Variants in PRDM11 observed in about 807,000 individuals in gnomAD.
PRDM11 encodes the protein PR domain-containing protein 11.
PRDM11 carries 20 observed loss-of-function variants against 97.8 expected under a neutral mutation model. The ratio of observed to expected loss-of-function variants is 0.20; its 90% CI spans 0.14 to 0.30. The LOEUF (loss-of-function observed/expected upper bound fraction) is 0.30, where lower values mean the gene tolerates loss of function less well. PRDM11 is among the 10% of genes least tolerant of loss of function. The pLI is 1.00. For missense variants in PRDM11, 1,139 were observed against 1,555.2 expected, an observed-to-expected ratio of 0.73 and a Z score of 4.50; for synonymous variants, 599 against 637.7, an observed-to-expected ratio of 0.94 and a Z score of 0.91.
chr11:45,120,096 T>C (rs1852396752), intron 1 of PRDM11, among the ~76,000 whole-genome samples: 1 of 152,346 alleles, frequency 6.6e-6, no homozygotes, highest in African/African-American at 2.4e-5. Context: ...TTTAAGAATT[T>C]GTTGAATGTA....
chr11:45,149,924 A>G (rs903084345), intron 1 of PRDM11, among the ~76,000 whole-genome samples: 2 of 152,234 alleles, frequency 1.3e-5, no homozygotes, highest in Non-Finnish European at 2.9e-5. Flanking sequence ...CAAGTAGTGC[A>G]TGTGCAGTTA....
chr11:45,185,273 G>A (rs1260414295), intron 4 of PRDM11, among the ~76,000 whole-genome samples: 3 of 152,198 alleles, frequency 2.0e-5, no homozygotes, highest in Non-Finnish European at 2.9e-5. Context: ...TCAGCATAGG[G>A]GTAAGCTGCT....
chr11:45,127,146 G>A (rs912571757), intron 1 of PRDM11, among the ~76,000 whole-genome samples: 1 of 152,172 alleles, frequency 6.6e-6, no homozygotes, highest in Non-Finnish European at 1.5e-5. Flanking sequence ...TGAGGCTTCT[G>A]CATTCTTCAC....
At chr11:45,171,758 TA>T (rs1169018777) in intron 1 of PRDM11, among the ~76,000 whole-genome samples, 2 of 152,130 alleles carry the variant, frequency 1.3e-5, no homozygotes, top group Non-Finnish European at 2.9e-5. Flanking sequence ...GCCCAGGCAA[TA>T]AAGCAGTGTA....
chr11:45,149,515 T>TA (rs1384611098), intron 1 of PRDM11, among the ~76,000 whole-genome samples: 1 of 152,238 alleles, frequency 6.6e-6, no homozygotes, highest in Non-Finnish European at 1.5e-5. Flanking sequence ...GCTTTCCTCT[T>TA]ACTATTTCCG....
At chr11:45,123,794 G>T (rs1328623626) in intron 1 of PRDM11, among the ~76,000 whole-genome samples, 1 of 152,148 alleles carries the variant, frequency 6.6e-6, no homozygotes, top group Non-Finnish European at 1.5e-5. Flanking sequence ...CTCCGGCTTT[G>T]TTCTTTTGGC....
At chr11:45,189,050 C>T (rs572167349) in intron 4 of PRDM11, among the ~76,000 whole-genome samples, 6 of 152,186 alleles carry the variant, frequency 3.9e-5, no homozygotes, top group East Asian at 1.9e-4. Context: ...TACAGGCATG[C>T]GCCACCACAT....
intron 4 of PRDM11, among the ~76,000 whole-genome samples, chr11:45,203,536 T>A (rs906941846): frequency 6.6e-6 from 1 of 151,648 alleles, no homozygotes; most frequent in Non-Finnish European, 1.5e-5. Context: ...CTCTGAGATA[T>A]TTTTCCAGAG....
intron 1 of PRDM11, among the ~76,000 whole-genome samples, chr11:45,177,365 C>T (rs1304587494): frequency 6.6e-6 from 1 of 152,232 alleles, no homozygotes; most frequent in East Asian, 1.9e-4. Context: ...GACCCCCCTT[C>T]CCCCAAGACT....
intron 4 of PRDM11, among the ~76,000 whole-genome samples, chr11:45,200,758 A>G (rs576432010): frequency 5.2e-4 from 79 of 152,304 alleles, no homozygotes; most frequent in Non-Finnish European, 8.5e-4. Flanking sequence ...TCACTTGGGG[A>G]AACTGCCATG....
chr11:45,142,462 T>C (rs1484311910), upstream of PRDM11, among the ~76,000 whole-genome samples: 1 of 152,162 alleles, frequency 6.6e-6, no homozygotes, highest in Non-Finnish European at 1.5e-5. Context: ...TCCTCAGAGA[T>C]GCCTTCCCTG....
intron 1 of PRDM11, among the ~76,000 whole-genome samples, chr11:45,165,205 G>T (rs910825697): frequency 1.6e-4 from 24 of 152,190 alleles, no homozygotes; most frequent in Middle Eastern, 3.2e-3. Context: ...CTGCAGGGCT[G>T]CCCTTGTTCC....
chr11:45,099,366 G>A (rs1408217144), intron 1 of PRDM11, among the ~76,000 whole-genome samples: 1 of 150,200 alleles, frequency 6.7e-6, no homozygotes, highest in African/African-American at 2.5e-5. Flanking sequence ...CAGGAGAATT[G>A]CTTGAACTCG....
intron 1 of PRDM11, among the ~76,000 whole-genome samples, chr11:45,176,031 T>G (rs1350665811): frequency 6.6e-6 from 1 of 152,176 alleles, no homozygotes; most frequent in African/African-American, 2.4e-5. Flanking sequence ...AGAGCATATA[T>G]TTATAAAAAG....
chr11:45,126,561 G>A (rs1852578310), intron 1 of PRDM11, among the ~76,000 whole-genome samples: 1 of 152,078 alleles, frequency 6.6e-6, no homozygotes, highest in Admixed American at 6.6e-5. Flanking sequence ...GCATTTGCTT[G>A]TCTGTAAAGT....
At chr11:45,107,104 C>A (rs918131747) in intron 1 of PRDM11, among the ~76,000 whole-genome samples, 14 of 152,264 alleles carry the variant, frequency 9.2e-5, no homozygotes, top group Admixed American at 6.5e-4. Flanking sequence ...CTGAAGGCAC[C>A]CACCTGGTGT....
In PRDM11 at chr11:45,227,724, C is replaced by G; in HGVS notation, c.3099C>G (p.Pro1033=). The G allele has an allele frequency of 6.5e-7, 1 of 1,533,858 alleles. No individual in the cohort carries two copies. Among genetic ancestry groups the G allele is most frequent in the Non-Finnish European group, 8.7e-7 (1 of 1,146,702 alleles). ...ATGTCTGTAGGGAAGGGCTGGACCC[C>G]CGGGGTAGTCTGTTGATGGAGTGGC... ...SRDVCREGLD[P]RGSLLMEWRE... Residue 1033 remains proline, a synonymous_variant, in exon 8 of 8, where the codon CCC becomes CCG. Transcript: ENST00000683152. The surrounding 1 kb of genome is among the most constrained non-coding windows in gnomAD (Gnocchi z 8.0).
At chr11:45,211,276 A>G (rs1263523467) in intron 5 of PRDM11, among the ~76,000 whole-genome samples, 2 of 152,042 alleles carry the variant, frequency 1.3e-5, no homozygotes, top group East Asian at 3.9e-4. Flanking sequence ...AGCCCCCAGG[A>G]CCCCTGGGAG....
At chr11:45,188,820 G>C (rs1232417682) in intron 4 of PRDM11, among the ~76,000 whole-genome samples, 1 of 152,268 alleles carries the variant, frequency 6.6e-6, no homozygotes, top group Non-Finnish European at 1.5e-5. Flanking sequence ...CTGGCACGAG[G>C]CATTTGGGGG....
Sources: allele counts gnomAD v4.1 joint callset (sites outside exome capture counted in the v4.1 genomes callset), GRCh38; gene constraint gnomAD v4.1.1; non-coding constraint Gnocchi (gnomAD v3.1); transcripts MANE v1.5; gene names NCBI Gene and HGNC (gene_info 2026-07-23, HGNC 2026-07-21).